FBXL5: variants seen among roughly 807,000 people sequenced by gnomAD.
FBXL5 encodes F-box/LRR-repeat protein 5.
A neutral mutation model predicts 78.3 loss-of-function variants in FBXL5; 26 were observed. That is an observed-to-expected ratio of 0.33 (90% CI 0.24 to 0.46). The LOEUF (loss-of-function observed/expected upper bound fraction) is 0.46, where lower values mean the gene tolerates loss of function less well. Ranked by LOEUF, FBXL5 falls within the 20% of genes least tolerant of loss-of-function variation. FBXL5 has a pLI of 1.00. For synonymous variants in FBXL5, 295 were observed against 282.5 expected (o/e 1.04, Z -0.45); for missense variants, 710 against 829.2 (o/e 0.86, Z 1.77).
At chr4:15,637,352 TTA>T (rs1199194745) in intron 4 of FBXL5, among the ~76,000 whole-genome samples, 11 of 152,222 alleles carry the variant, frequency 7.2e-5, no homozygotes, top group African/African-American at 2.7e-4. Flanking sequence ...CTATAATGTA[TTA>T]TTTCAGTAAT....
intron 1 of FBXL5, among the ~76,000 whole-genome samples, chr4:15,667,251 G>A (rs1717587286): frequency 6.6e-6 from 1 of 152,148 alleles, no homozygotes; most frequent in Non-Finnish European, 1.5e-5. Context: ...CTTGATGGCA[G>A]TCCATGAGAA....
chr4:15,661,927 G>A (rs1189917374), upstream of FBXL5, among the ~76,000 whole-genome samples: 2 of 152,192 alleles, frequency 1.3e-5, no homozygotes, highest in Non-Finnish European at 2.9e-5. Flanking sequence ...TAGGCTGTTA[G>A]AATAAGGACC....
chr4:15,627,514 C>T (rs557237579), intron 7 of FBXL5, among the ~76,000 whole-genome samples: 32 of 152,098 alleles, frequency 2.1e-4, no homozygotes, highest in Admixed American at 5.9e-4. Context: ...TGTAGGAAGT[C>T]GTAATATCCA....
At chr4:15,679,944 T>A (rs1415781264) in intron 1 of FBXL5, among the ~76,000 whole-genome samples, 1 of 152,232 alleles carries the variant, frequency 6.6e-6, no homozygotes, top group Non-Finnish European at 1.5e-5. Flanking sequence ...TGACATGTAT[T>A]CACTGAAGAG....
intron 9 of FBXL5, among the ~76,000 whole-genome samples, chr4:15,617,279 T>C: frequency 6.6e-6 from 1 of 152,190 alleles, no homozygotes; most frequent in South Asian, 2.1e-4. Flanking sequence ...CAGTGGCTCA[T>C]GCCTGTAATC....
Position 15,625,779 on chromosome 4 carries a change from G to C in FBXL5, c.1323C>G (p.Thr441=). The C allele has an allele frequency of 6.2e-7, 1 of 1,614,150 alleles. No homozygotes were observed. The highest frequency in any genetic ancestry group is 8.5e-7 in the Non-Finnish European group (1 of 1,180,004). ...WKNKDITMQS[T]KQYACLHDLT... ...AATCGTGCAAACAGGCATACTGCTT[G>C]GTGGACTGCATGGTAATGTCTTTAT... Residue 441 remains threonine, a synonymous_variant, in exon 9 of 11, where the codon ACC becomes ACG. Transcript: ENST00000341285.
chr4:15,622,465 T>C (rs1012535543), intron 9 of FBXL5, among the ~76,000 whole-genome samples: 3 of 151,950 alleles, frequency 2.0e-5, no homozygotes, highest in Non-Finnish European at 4.4e-5. Context: ...TAATTTTATC[T>C]CTCTCTCTAC....
At chr4:15,632,666 T>A (rs1398255800) in intron 5 of FBXL5, among the ~76,000 whole-genome samples, 1 of 152,222 alleles carries the variant, frequency 6.6e-6, no homozygotes, top group Non-Finnish European at 1.5e-5. Context: ...TTTTATTCTC[T>A]TTGTAGCAAT....
chr4:15,650,628 T>C (rs1286192790), intron 1 of FBXL5, among the ~76,000 whole-genome samples: 2 of 151,494 alleles, frequency 1.3e-5, no homozygotes, highest in Non-Finnish European at 2.9e-5. Context: ...ACATGATATC[T>C]TCCACATTTT....
chr4:15,646,610 T>C (rs1715374522), intron 1 of FBXL5, among the ~76,000 whole-genome samples: 1 of 152,122 alleles, frequency 6.6e-6, no homozygotes, highest in Non-Finnish European at 1.5e-5. Context: ...GTTTGTTACA[T>C]ATGTATACAT....
intron 10 of FBXL5, among the ~76,000 whole-genome samples, chr4:15,606,897 GCAA>G (rs540555647): frequency 3.2e-4 from 48 of 152,192 alleles, no homozygotes; most frequent in Non-Finnish European, 5.6e-4. Flanking sequence ...GCACTCGGCT[GCAA>G]CAACAACAAC....
chr4:15,609,979 T>C (rs902918157), intron 10 of FBXL5, among the ~76,000 whole-genome samples: 1 of 152,128 alleles, frequency 6.6e-6, no homozygotes. Context: ...TAACTATATA[T>C]GTTTTCTTTT....
At chr4:15,667,698 T>A (rs1717604102) in intron 1 of FBXL5, among the ~76,000 whole-genome samples, 1 of 152,084 alleles carries the variant, frequency 6.6e-6, no homozygotes, top group South Asian at 2.1e-4. Context: ...GAAGATATGA[T>A]AAATAAAACA....
intron 1 of FBXL5, among the ~76,000 whole-genome samples, chr4:15,677,352 T>C (rs1718031827): frequency 6.6e-6 from 1 of 152,232 alleles, no homozygotes; most frequent in African/African-American, 2.4e-5. Flanking sequence ...GTGTCTTTTA[T>C]ACTTCATAAT....
chr4:15,681,253 T>C (rs1163158762), intron 1 of FBXL5: 1 of 152,454 alleles, frequency 6.6e-6, no homozygotes, highest in African/African-American at 2.4e-5. Context: ...AATTCTCTAA[T>C]TCTTCCACAA....
intron 6 of FBXL5, among the ~76,000 whole-genome samples, 193 bp from the exon 7 acceptor site, chr4:15,628,226 CA>C (rs1713267435): frequency 6.6e-6 from 1 of 151,990 alleles, no homozygotes; most frequent in African/African-American, 2.4e-5. Flanking sequence ...CAAAAGTTTT[CA>C]AGAGAAAAGA....
intron 7 of FBXL5, among the ~76,000 whole-genome samples, 174 bp from the exon 8 acceptor site, chr4:15,627,129 CTCTTT>C (rs1577444515): frequency 1.2e-5 from 1 of 85,684 alleles, no homozygotes. Context: ...CCCTGAGAAT[CTCTTT>C]TTTTTTTTTT....
chr4:15,680,744 A>T (rs1718212170), intron 1 of FBXL5, among the ~76,000 whole-genome samples: 1 of 152,082 alleles, frequency 6.6e-6, no homozygotes, highest in Non-Finnish European at 1.5e-5. Flanking sequence ...TAATCCTACA[A>T]GAAGTAAGTA....
chr4:15,643,238 T>C (rs985994104), intron 2 of FBXL5, among the ~76,000 whole-genome samples: 1 of 152,214 alleles, frequency 6.6e-6, no homozygotes, highest in African/African-American at 2.4e-5. Context: ...TTAATAATGG[T>C]CTTCCTCCTT....
Sources: allele counts gnomAD v4.1 joint callset (sites outside exome capture counted in the v4.1 genomes callset), GRCh38; gene constraint gnomAD v4.1.1; transcripts MANE v1.5; gene names NCBI Gene and HGNC (gene_info 2026-07-23, HGNC 2026-07-21).